FOXP2: variants seen among roughly 807,000 people sequenced by gnomAD.
The protein encoded by FOXP2 is forkhead box protein P2.
In FOXP2, 12 loss-of-function variants were observed where a neutral mutation model predicts 115.8. The ratio of observed to expected loss-of-function variants is 0.10; its 90% CI spans 0.07 to 0.17. The LOEUF (loss-of-function observed/expected upper bound fraction) is 0.17. FOXP2 is among the 10% of genes least tolerant of loss of function. The pLI is 1.00. For missense variants in FOXP2, 629 were observed against 843.5 expected (o/e 0.75, Z 3.15); for synonymous variants, 328 against 297.7 (o/e 1.10, Z -1.05).
chr7:114,347,539 CAT>C lies in FOXP2; in HGVS notation c.-11+59436_-11+59437del, dbSNP rs1178904811. Among the ~76,000 whole-genome samples, 3 of 151,956 alleles carry C rather than the reference CAT, an allele frequency of 2.0e-5. No homozygotes were observed. In the East Asian group the frequency reaches 5.8e-4, roughly 29 times the overall value. ...TCAACCTTGAAAGTTGGCATTCAGA[CAT>C]ATATAAGATTGTATAAAAAGGAAGT... On this transcript the variant is annotated intron_variant, in intron 2 of 17. Coordinates refer to the FOXP2 transcript ENST00000634411.
chr7:114,622,750 T>C (rs1303640710), intron 3 of FOXP2, among the ~76,000 whole-genome samples: 1 of 152,016 alleles, frequency 6.6e-6, no homozygotes, highest in Non-Finnish European at 1.5e-5. Flanking sequence ...GTGAGTTCCA[T>C]CAAAATCACA....
intron 16 of FOXP2, among the ~76,000 whole-genome samples, chr7:114,671,402 A>ATGATATACAG (rs1258105200): frequency 6.6e-6 from 1 of 152,114 alleles, no homozygotes; most frequent in Non-Finnish European, 1.5e-5. Flanking sequence ...GTTTTGAAGG[A>ATGATATACAG]TTTTTATAGA....
At chr7:114,414,760 T>C (rs1442215219), upstream of FOXP2, 4 of 210,840 alleles carry the variant, frequency 1.9e-5, no homozygotes, top group South Asian at 7.8e-5. Flanking sequence ...TTACCAAAAG[T>C]GCAGTGTATA....
intron 2 of FOXP2, among the ~76,000 whole-genome samples, chr7:114,372,278 T>A (rs1274048784): frequency 6.6e-6 from 1 of 152,180 alleles, no homozygotes; most frequent in Non-Finnish European, 1.5e-5. Context: ...TTTGAAAGCA[T>A]TAACCTAAGA....
At chr7:114,222,957 A>C (rs977070897) in intron 1 of FOXP2, among the ~76,000 whole-genome samples, 9 of 152,220 alleles carry the variant, frequency 5.9e-5, no homozygotes, top group African/African-American at 1.9e-4. Context: ...CAGGTTTACT[A>C]TTTATTATTA....
chr7:114,423,327 G>A (rs1793698485), intron 1 of FOXP2, among the ~76,000 whole-genome samples: 1 of 151,580 alleles, frequency 6.6e-6, no homozygotes, highest in Non-Finnish European at 1.5e-5. Context: ...GTTTCAAAAG[G>A]GAAGTGGTGT....
chr7:114,272,448 G>A (rs1796088520), intron 1 of FOXP2, among the ~76,000 whole-genome samples: 1 of 151,834 alleles, frequency 6.6e-6, no homozygotes, highest in Admixed American at 6.6e-5. Flanking sequence ...AAATTGTAGA[G>A]TATTGGTATA....
At chr7:114,512,699 A>G (rs1293984176) in intron 2 of FOXP2, among the ~76,000 whole-genome samples, 1 of 152,186 alleles carries the variant, frequency 6.6e-6, no homozygotes, top group African/African-American at 2.4e-5. Flanking sequence ...TTAAGCCATA[A>G]TTTTGTTTTT....
At chr7:114,616,388 C>T (rs1803954363) in intron 3 of FOXP2, among the ~76,000 whole-genome samples, 1 of 152,140 alleles carries the variant, frequency 6.6e-6, no homozygotes, top group East Asian at 1.9e-4. Context: ...GTCTCGAACT[C>T]CTGACCTCAG....
chr7:114,683,450 G>T (rs984996022), intron 16 of FOXP2, among the ~76,000 whole-genome samples: 1 of 152,090 alleles, frequency 6.6e-6, no homozygotes, highest in Non-Finnish European at 1.5e-5. Flanking sequence ...GCAGACACTT[G>T]GACAGTCACT....
At chr7:114,608,416 C>G (rs2129316912) in intron 3 of FOXP2, among the ~76,000 whole-genome samples, 1 of 152,312 alleles carries the variant, frequency 6.6e-6, no homozygotes. Flanking sequence ...AGGCAGTTCA[C>G]AGCATGACAG....
chr7:114,272,330 T>C, intron 1 of FOXP2, among the ~76,000 whole-genome samples: 1 of 151,738 alleles, frequency 6.6e-6, no homozygotes, highest in South Asian at 2.1e-4. Context: ...TGAGAGAGAT[T>C]AGTCTGTAGA....
At chr7:114,511,623 T>C (rs1798083814) in intron 2 of FOXP2, among the ~76,000 whole-genome samples, 1 of 152,110 alleles carries the variant, frequency 6.6e-6, no homozygotes, top group Non-Finnish European at 1.5e-5. Context: ...GAGGAGGTAA[T>C]GGCTAGACAG....
At chr7:114,315,085 A>T (rs1180691852) in intron 2 of FOXP2, among the ~76,000 whole-genome samples, 1 of 152,166 alleles carries the variant, frequency 6.6e-6, no homozygotes, top group Non-Finnish European at 1.5e-5. Context: ...GTAACACTAA[A>T]CAATGTCAAT....
In FOXP2 at chr7:114,659,401, C is replaced by T. The variant is rs758513311; in HGVS notation, c.1514C>T (p.Pro505Leu). The change falls in exon 12 of 17, where the codon CCT (proline) becomes CTT (leucine). Residue 505 changes from proline (P) to leucine (L), a missense_variant. Around this residue, in one of 9 missense-constraint regions of FOXP2, gnomAD observed 26 missense variants for 61.1 expected, o/e 0.43. Transcript: ENST00000350908. ...YEFYKNADVR[P>L]PFTYATLIRQ... ...TTTTATAAAAATGCAGATGTCAGAC[C>T]TCCATTTACTTATGCAACTCTCATA... 1 of 1,613,236 alleles carries T rather than the reference C, an allele frequency of 6.2e-7. No homozygotes were observed. The highest frequency in any genetic ancestry group is 8.5e-7 in the Non-Finnish European group (1 of 1,179,434).
intron 15 of FOXP2, 89 bp from the exon 16 acceptor site, chr7:114,664,184 A>G: frequency 2.2e-6 from 3 of 1,378,418 alleles, no homozygotes; most frequent in Non-Finnish European, 3.0e-6. Flanking sequence ...CTATTTCCTT[A>G]TTGGAACCCA....
At chr7:114,523,603 T>A (rs952530288) in intron 2 of FOXP2, among the ~76,000 whole-genome samples, 1 of 152,162 alleles carries the variant, frequency 6.6e-6, no homozygotes, top group South Asian at 2.1e-4. Context: ...GTTTTGTTTT[T>A]TTCTCTTCTG....
intron 3 of FOXP2, among the ~76,000 whole-genome samples, chr7:114,548,568 G>A (rs1192765724): frequency 6.6e-6 from 1 of 152,174 alleles, no homozygotes; most frequent in Non-Finnish European, 1.5e-5. Flanking sequence ...GGAAAATTTA[G>A]AAATATGCAA....
intron 2 of FOXP2, among the ~76,000 whole-genome samples, chr7:114,437,935 C>T (rs1794428035): frequency 6.6e-6 from 1 of 152,048 alleles, no homozygotes; most frequent in African/African-American, 2.4e-5. Context: ...GTAAAATACA[C>T]ACTGGATTAT....
Sources: gnomAD v4.1 joint callset for allele counts (sites outside exome capture counted in the v4.1 genomes callset) on GRCh38, gnomAD v4.1.1 for gene constraint, gnomAD v4.1.1 regional missense constraint, MANE v1.5 for transcripts, NCBI Gene and HGNC (gene_info 2026-07-23, HGNC 2026-07-21) for gene names.